Variants in PDE8B observed in about 807,000 individuals in gnomAD.
The protein encoded by PDE8B is high affinity cAMP-specific and IBMX-insensitive 3',5'-cyclic phosphodiesterase 8B.
Under a neutral mutation model 101.3 loss-of-function variants are expected in PDE8B, and 26 were observed. That is an observed-to-expected ratio of 0.26 (90% CI 0.19 to 0.36). The LOEUF (loss-of-function observed/expected upper bound fraction) is 0.36, where lower values mean the gene tolerates loss of function less well. Ranked by LOEUF, PDE8B falls within the 10% of genes least tolerant of loss-of-function variation. The probability of loss-of-function intolerance (pLI) is 1.00; values close to 1 mark genes in which losing one functional copy is unlikely to be tolerated. For missense variants in PDE8B, 810 were observed against 1,163.1 expected (o/e 0.70, Z 4.42); for synonymous variants, 424 against 429.3 (o/e 0.99, Z 0.15).
intron 1 of PDE8B, among the ~76,000 whole-genome samples, chr5:77,232,660 A>T (rs1001360369): frequency 2.0e-5 from 3 of 152,168 alleles, no homozygotes; most frequent in Non-Finnish European, 4.4e-5. Flanking sequence ...CTGTGTCATC[A>T]TGTGTGTAAT....
the PDE8B span, among the ~76,000 whole-genome samples, chr5:77,101,670 G>C: frequency 6.6e-6 from 1 of 152,012 alleles, no homozygotes; most frequent in South Asian, 2.1e-4. Flanking sequence ...GAATGATCTC[G>C]GTGGCAGGAA....
intron 17 of PDE8B, among the ~76,000 whole-genome samples, chr5:77,415,439 C>T (rs1451735577): frequency 6.8e-6 from 1 of 147,930 alleles, no homozygotes; most frequent in Non-Finnish European, 1.5e-5. Context: ...CTCACTGCAA[C>T]CTCTGCCTCC....
Position 77,412,240 on chromosome 5 carries a change from G to A in PDE8B, c.1712+5G>A, listed in dbSNP as rs989752167. ...GGAAGCCATTACGCATAAAAGGTAT[G>A]TGACTTCTCTGGCTGAAGGCAGAGC... On this transcript the variant is annotated splice_donor_5th_base_variant and intron_variant, in intron 16 of 21. Coordinates refer to ENST00000264917, the MANE Select transcript of PDE8B (RefSeq NM_003719.5). 4 of 1,614,080 alleles carry A rather than the reference G, an allele frequency of 2.5e-6. No homozygotes were observed. Among genetic ancestry groups the A allele is most frequent in the East Asian group, 2.2e-5 (1 of 44,878 alleles).
At chr5:77,371,465 T>G (rs1785075452) in intron 10 of PDE8B, among the ~76,000 whole-genome samples, 1 of 152,362 alleles carries the variant, frequency 6.6e-6, no homozygotes, top group South Asian at 2.1e-4. Flanking sequence ...ATTGATCTAT[T>G]GGTCAATCTA....
chr5:77,138,072 G>T, the PDE8B span, among the ~76,000 whole-genome samples: 1 of 152,124 alleles, frequency 6.6e-6, no homozygotes, highest in African/African-American at 2.4e-5. Flanking sequence ...ACTCCCCTTG[G>T]ACTTCCCATG....
the PDE8B span, among the ~76,000 whole-genome samples, chr5:77,177,846 G>A: frequency 6.6e-6 from 1 of 152,216 alleles, no homozygotes; most frequent in Non-Finnish European, 1.5e-5. Context: ...GATGTTATCA[G>A]AATGGCATGC....
intron 1 of PDE8B, among the ~76,000 whole-genome samples, chr5:77,253,749 G>A (rs1758549920): frequency 6.6e-6 from 1 of 152,046 alleles, no homozygotes; most frequent in Non-Finnish European, 1.5e-5. Context: ...ACTTGACATT[G>A]AACCTTACAA....
At chr5:77,370,644 T>C (rs2150674748) in intron 10 of PDE8B, among the ~76,000 whole-genome samples, 1 of 152,360 alleles carries the variant, frequency 6.6e-6, no homozygotes, top group Non-Finnish European at 1.5e-5. Context: ...TCTTTGTGAA[T>C]ATATATTTTT....
chr5:77,168,495 G>A, the PDE8B span, among the ~76,000 whole-genome samples: 1 of 152,120 alleles, frequency 6.6e-6, no homozygotes, highest in East Asian at 1.9e-4. Flanking sequence ...TGCCCTGGTG[G>A]GACCCCACTC....
chr5:77,395,127 TC>T (rs1331529696), intron 10 of PDE8B, among the ~76,000 whole-genome samples: 2 of 152,024 alleles, frequency 1.3e-5, no homozygotes, highest in Non-Finnish European at 2.9e-5. Context: ...TCATTCAATT[TC>T]TTTTTTGAGA....
the PDE8B span, among the ~76,000 whole-genome samples, chr5:77,180,852 T>TCC: frequency 6.6e-6 from 1 of 152,250 alleles, no homozygotes; most frequent in African/African-American, 2.4e-5. Flanking sequence ...TTTCCACGCT[T>TCC]CCCCGGCGCG....
intron 5 of PDE8B, 63 bp downstream of exon 5, chr5:77,331,522 A>T: frequency 7.9e-7 from 1 of 1,272,718 alleles, no homozygotes; most frequent in Non-Finnish European, 1.1e-6. Context: ...ACTCTCCCAT[A>T]ACAGGGAAGC....
chr5:77,306,709 C>T (rs889865227), intron 1 of PDE8B, among the ~76,000 whole-genome samples: 5 of 152,210 alleles, frequency 3.3e-5, no homozygotes, highest in African/African-American at 1.2e-4. Flanking sequence ...CTATTAAGAG[C>T]TGCAGCAATC....
chr5:77,374,260 T>C (rs1269276943), intron 10 of PDE8B, among the ~76,000 whole-genome samples: 1 of 152,144 alleles, frequency 6.6e-6, no homozygotes, highest in African/African-American at 2.4e-5. Flanking sequence ...TCAATCTGTG[T>C]CTATTGAAGG....
At chr5:77,382,661 TC>T (rs2150817660) in intron 10 of PDE8B, among the ~76,000 whole-genome samples, 1 of 147,546 alleles carries the variant, frequency 6.8e-6, no homozygotes, top group Non-Finnish European at 1.5e-5. Flanking sequence ...ATTGTTCAAC[TC>T]CCACTTATGA....
At chr5:77,342,783 C>G (rs946317854) in intron 6 of PDE8B, among the ~76,000 whole-genome samples, 2 of 152,130 alleles carry the variant, frequency 1.3e-5, no homozygotes, top group South Asian at 4.2e-4. Context: ...AGAAAAGTCC[C>G]CACTGGAGAG....
At chr5:77,144,999 T>G in the PDE8B span, 1 of 152,116 alleles carries the variant, frequency 6.6e-6, no homozygotes, top group Non-Finnish European at 1.5e-5. Context: ...CGACTAAAAA[T>G]GAAAACTTAT....
chr5:77,336,845 CA>C (rs1350708370), intron 5 of PDE8B, among the ~76,000 whole-genome samples: 1 of 152,158 alleles, frequency 6.6e-6, no homozygotes. Context: ...CTCTCCCTTC[CA>C]AAGAGATCAT....
chr5:77,328,525 G>T (rs1351119320), intron 3 of PDE8B, among the ~76,000 whole-genome samples: 2 of 152,112 alleles, frequency 1.3e-5, no homozygotes, highest in African/African-American at 4.8e-5. Context: ...GGCTTTAACT[G>T]GCATTTGTAC....
Sources: gnomAD v4.1 joint callset for allele counts (sites outside exome capture counted in the v4.1 genomes callset) on GRCh38, gnomAD v4.1.1 for gene constraint, MANE v1.5 for transcripts, NCBI Gene and HGNC (gene_info 2026-07-23, HGNC 2026-07-21) for gene names.